Variants in MPRIP observed in about 807,000 individuals in gnomAD.
The protein encoded by MPRIP is myosin phosphatase Rho interacting protein, also known as myosin phosphatase Rho-interacting protein.
MPRIP carries 59 observed loss-of-function variants against 234.9 expected under a neutral mutation model. The observed-to-expected ratio is 0.25, with a 90% CI of 0.20 to 0.31. MPRIP has a LOEUF of 0.31. Among genes scored for constraint, MPRIP ranks in the 10% least tolerant of loss-of-function variants. The pLI is 1.00. For missense variants in MPRIP, 2,436 were observed against 3,071.0 expected, an observed-to-expected ratio of 0.79 and a Z score of 4.89; for synonymous variants, 1,144 against 1,263.9, an observed-to-expected ratio of 0.91 and a Z score of 2.01.
At chr17:17,050,747 C>T (rs1417674258) in intron 1 of MPRIP, among the ~76,000 whole-genome samples, 1 of 151,858 alleles carries the variant, frequency 6.6e-6, no homozygotes, top group African/African-American at 2.4e-5. Context: ...CTCTGATCCC[C>T]ACTCCCTGCC....
intron 13 of MPRIP, among the ~76,000 whole-genome samples, chr17:17,157,544 A>G (rs1230256469): frequency 6.6e-6 from 1 of 152,192 alleles, no homozygotes; most frequent in Non-Finnish European, 1.5e-5. Context: ...CTTTTAAAAC[A>G]TAGATTCAGG....
intron 4 of MPRIP, among the ~76,000 whole-genome samples, chr17:17,129,107 G>T (rs1050939773): frequency 6.6e-6 from 1 of 152,152 alleles, no homozygotes; most frequent in Non-Finnish European, 1.5e-5. Flanking sequence ...GTCTCTCCTG[G>T]GCCTGGGTAG....
intron 3 of MPRIP, among the ~76,000 whole-genome samples, chr17:17,083,896 A>G (rs1237288099): frequency 1.3e-5 from 2 of 152,056 alleles, no homozygotes; most frequent in African/African-American, 4.8e-5. Context: ...GGCCCGCGCC[A>G]CCATGCCCGG....
chr17:17,153,848 C>T (rs1009219452), intron 12 of MPRIP, among the ~76,000 whole-genome samples: 5 of 152,164 alleles, frequency 3.3e-5, no homozygotes, highest in African/African-American at 1.2e-4. Flanking sequence ...CCCATCATGC[C>T]ATGTGCCTGT....
intron 4 of MPRIP, among the ~76,000 whole-genome samples, chr17:17,129,245 A>G (rs985484385): frequency 6.6e-6 from 1 of 151,932 alleles, no homozygotes; most frequent in Non-Finnish European, 1.5e-5. Context: ...CAGCTGGGTG[A>G]AGTCTGGACT....
At chr17:17,161,196 A>G (rs762877349) in intron 14 of MPRIP, 44 bp from the exon 15 acceptor site, 12 of 1,432,762 alleles carry the variant, frequency 8.4e-6, no homozygotes, top group South Asian at 1.2e-5. Flanking sequence ...TGCTTTGTTT[A>G]TCATTGTCAT....
intron 6 of MPRIP, among the ~76,000 whole-genome samples, chr17:17,137,554 G>C (rs2090727432): frequency 6.6e-6 from 1 of 150,804 alleles, no homozygotes; most frequent in African/African-American, 2.4e-5. Context: ...TTGGCTGTCA[G>C]CTTCCCCCTT....
At chr17:17,067,523 A>T (rs991928140) in intron 1 of MPRIP, among the ~76,000 whole-genome samples, 1 of 152,338 alleles carries the variant, frequency 6.6e-6, no homozygotes, top group African/African-American at 2.4e-5. Context: ...TCAGAATGGC[A>T]TGCAGTTTAA....
chr17:17,126,921 C>T (rs978620579), intron 4 of MPRIP, 68 bp downstream of exon 4: 19 of 1,561,442 alleles, frequency 1.2e-5, no homozygotes, highest in Non-Finnish European at 1.5e-5. Context: ...GATGGGCCGC[C>T]TGCCCCTGTG....
At chr17:17,148,975 A>G (rs541769183) in intron 11 of MPRIP, among the ~76,000 whole-genome samples, 135 of 152,332 alleles carry the variant, frequency 8.9e-4, no homozygotes, top group Middle Eastern at 3.4e-3. Flanking sequence ...AGCAAAGGCG[A>G]TATTTTAATA....
At chr17:17,122,407 G>A (rs573458876) in intron 3 of MPRIP, among the ~76,000 whole-genome samples, 6 of 152,230 alleles carry the variant, frequency 3.9e-5, no homozygotes, top group Non-Finnish European at 7.3e-5. Context: ...AGGCTGGAGT[G>A]CAGTGGCGCA....
intron 12 of MPRIP, among the ~76,000 whole-genome samples, chr17:17,151,591 C>T (rs2045604652): frequency 6.6e-6 from 1 of 152,240 alleles, no homozygotes; most frequent in Admixed American, 6.5e-5. Context: ...CCCCAACCCT[C>T]TGATTTAATG....
chr17:17,146,038 C>G lies in MPRIP; in HGVS notation c.1506C>G (p.Pro502=). 6.2e-7 allele frequency: 1 copy of G among 1,613,898 alleles called. No individual in the cohort carries two copies. Among genetic ancestry groups the G allele is most frequent in the African/African-American group, 1.3e-5 (1 of 75,050 alleles). Residue 502 remains proline, a splice_region_variant and synonymous_variant, in exon 10 of 24, where the codon CCC becomes CCG. Transcript: ENST00000651222. ...DRRSTEPSVT[P]DLLNFKKGWL... ...GTTCTTTTTTCTCCCTTTCTCAGCC[C>G]GACCTGCTGAATTTCAAGAAAGGCT...
intron 3 of MPRIP, among the ~76,000 whole-genome samples, chr17:17,113,462 A>C (rs1460473285): frequency 6.6e-6 from 1 of 152,208 alleles, no homozygotes; most frequent in African/African-American, 2.4e-5. Flanking sequence ...ATAGTATAGC[A>C]CATACCAGAA....
intron 16 of MPRIP, chr17:17,169,262 T>C: frequency 2.8e-6 from 1 of 351,682 alleles, no homozygotes; most frequent in Non-Finnish European, 5.6e-6. Context: ...AAACCTTTGC[T>C]TTGACCCCAA....
At position 17,164,819 on chromosome 17, in the gene MPRIP, T is replaced by C. The variant is rs2045947328; in HGVS notation, c.3228T>C (p.Ser1076=). Residue 1076 remains serine, a synonymous_variant, in exon 16 of 24, where the codon AGT becomes AGC. Transcript: ENST00000651222. ...KEKLSATFEG[S]EQVHQLEEQL... is the part of the protein sequence containing the mutation. ...AGCTGAGCGCCACTTTCGAGGGCAG[T>C]GAGCAGGTGCACCAGCTGGAGGAGC... 1.5e-6 allele frequency: 2 copies of C among 1,304,130 alleles called. No individual in the cohort carries two copies. Among genetic ancestry groups the C allele is most frequent in the Non-Finnish European group, 2.0e-6 (2 of 988,928 alleles). The allele number at this position is 1,304,130 out of a possible 1,614,324, so 80.8% of individuals were successfully genotyped here.
chr17:17,093,561 G>GCTC (rs2089770056), intron 3 of MPRIP, among the ~76,000 whole-genome samples: 1 of 152,108 alleles, frequency 6.6e-6, no homozygotes, highest in Admixed American at 6.5e-5. Flanking sequence ...ATCTTACTGT[G>GCTC]CTCCCTGATA....
At position 17,185,739 on chromosome 17, in the gene MPRIP, T is replaced by C; in HGVS notation, c.*845T>C. The stretch of plus-strand genomic sequence containing the variant: ...GGAATCATTCAAAATGGGGGAAGGT[T>C]TGGGGGTTTGGGTTTTTTTTTTACC... On this transcript the variant is annotated 3_prime_UTR_variant, in exon 24 of 24. Transcript: ENST00000651222. The C allele has an allele frequency of 2.9e-6, 1 of 346,652 alleles. No homozygotes were observed. 21.5% of individuals were successfully genotyped at this position (346,652 alleles called of 1,614,324 possible). A position where few individuals can be genotyped will look rare whatever the true frequency, so the allele number is the denominator to read the frequency against.
intron 7 of MPRIP, among the ~76,000 whole-genome samples, chr17:17,139,999 C>T (rs1055314258): frequency 2.6e-5 from 4 of 152,124 alleles, no homozygotes; most frequent in Non-Finnish European, 4.4e-5. Context: ...GGTGCAGATC[C>T]CAGTGGGGCC....
Sources: gnomAD v4.1 joint callset for allele counts (sites outside exome capture counted in the v4.1 genomes callset) on GRCh38, gnomAD v4.1.1 for gene constraint, MANE v1.5 for transcripts, NCBI Gene and HGNC (gene_info 2026-07-23, HGNC 2026-07-21) for gene names.